The following CCDC66 variants were observed in gnomAD, a reference collection of about 807,000 sequenced individuals.
CCDC66 encodes coiled-coil domain containing 66.
Under a neutral mutation model 128.3 loss-of-function variants are expected in CCDC66, and 133 were observed. The observed-to-expected ratio is 1.04, with a 90% CI of 0.90 to 1.20. The LOEUF is 1.20. Among genes scored for constraint, CCDC66 ranks in the 50% most tolerant of loss-of-function variants. The pLI, the probability that CCDC66 is intolerant of heterozygous loss-of-function variation, is 0.00. For missense variants in CCDC66, 1,126 were observed against 1,075.5 expected (o/e 1.05, Z -0.66); for synonymous variants, 387 against 357.0 (o/e 1.08, Z -0.95).
chr3:56,580,593 A>G (rs540228072), intron 7 of CCDC66, among the ~76,000 whole-genome samples: 2 of 151,938 alleles, frequency 1.3e-5, no homozygotes, highest in East Asian at 4.0e-4. Flanking sequence ...GAGCTCTTGT[A>G]AGGCAGGCCT....
chr3:56,579,413 G>A (rs559989203), intron 7 of CCDC66, among the ~76,000 whole-genome samples: 19 of 151,700 alleles, frequency 1.3e-4, no homozygotes, highest in Non-Finnish European at 2.2e-4. Context: ...ATCTCCTTCA[G>A]TTCTGCTTTG....
intron 1 of CCDC66, among the ~76,000 whole-genome samples, chr3:56,558,248 G>T (rs1356684192): frequency 6.6e-6 from 1 of 152,144 alleles, no homozygotes; most frequent in Non-Finnish European, 1.5e-5. Context: ...GTTCTCAGTG[G>T]AGTTTTAGGA....
chr3:56,578,147 T>G (rs1017697056), intron 7 of CCDC66, among the ~76,000 whole-genome samples: 10 of 151,766 alleles, frequency 6.6e-5, no homozygotes, highest in African/African-American at 2.4e-4. Context: ...TTGTAAGTTG[T>G]ATTCCTAGGT....
At chr3:56,566,535 C>A in intron 4 of CCDC66, 59 bp from the exon 5 acceptor site, 1 of 1,129,388 alleles carries the variant, frequency 8.9e-7, no homozygotes, top group Non-Finnish European at 1.3e-6. Context: ...AGCACTATGC[C>A]AAGTATTATA....
chr3:56,607,572 T>C (rs1384477102), intron 10 of CCDC66, among the ~76,000 whole-genome samples: 1 of 152,130 alleles, frequency 6.6e-6, no homozygotes, highest in African/African-American at 2.4e-5. Flanking sequence ...TAAACAGTTA[T>C]ATTGTCAGCA....
Position 56,613,727 on chromosome 3 carries a change from A to G in CCDC66, c.1543A>G (p.Ile515Val). The change falls in exon 11 of 18, where the codon ATA becomes GTA. Residue 515 changes from isoleucine (I) to valine (V), a missense_variant. Physicochemically the swap from Ile to Val is conservative, Grantham distance 29. Transcript: ENST00000394672. Reference sequence around the variant, plus strand: ...GATGCAGAAACAGTATGAAGAAGACATACTTAAGCAAAAACAAAAGGAAGT... The same window carrying G: ...GATGCAGAAACAGTATGAAGAAGACGTACTTAAGCAAAAACAAAAGGAAGT... ...EEMQKQYEED[I>V]LKQKQKEEIM... 6.2e-7 allele frequency: 1 copy of G among 1,607,702 alleles called. No individual in the cohort carries two copies. Among genetic ancestry groups the G allele is most frequent in the Non-Finnish European group, 8.5e-7 (1 of 1,178,034 alleles).
chr3:56,568,745 C>A (rs2066227184), intron 6 of CCDC66, among the ~76,000 whole-genome samples: 1 of 152,160 alleles, frequency 6.6e-6, no homozygotes. Flanking sequence ...ATTGTTGTAT[C>A]AGACAGTATG....
chr3:56,566,032 G>A (rs542068724), intron 4 of CCDC66, among the ~76,000 whole-genome samples: 1 of 152,302 alleles, frequency 6.6e-6, no homozygotes, highest in African/African-American at 2.4e-5. Flanking sequence ...TTGCTCGCTT[G>A]TTTTCCTTAT....
chr3:56,588,827 G>A (rs2070316567), intron 7 of CCDC66, among the ~76,000 whole-genome samples: 1 of 152,168 alleles, frequency 6.6e-6, no homozygotes, highest in African/African-American at 2.4e-5. Context: ...ATTTTTAACT[G>A]AGTGATAATG....
chr3:56,560,390 A>G (rs1460183621), intron 3 of CCDC66, among the ~76,000 whole-genome samples: 1 of 152,070 alleles, frequency 6.6e-6, no homozygotes, highest in African/African-American at 2.4e-5. Flanking sequence ...TATTTTTAGT[A>G]GAGATGGGAT....
chr3:56,571,120 G>C, intron 6 of CCDC66, 61 bp from the exon 7 acceptor site: 1 of 1,285,704 alleles, frequency 7.8e-7, no homozygotes, highest in Non-Finnish European at 1.1e-6. Flanking sequence ...GGTCAGATTT[G>C]TTTACATGGT....
intron 10 of CCDC66, among the ~76,000 whole-genome samples, chr3:56,603,284 C>T (rs1249742738): frequency 6.6e-6 from 1 of 152,000 alleles, no homozygotes; most frequent in African/African-American, 2.4e-5. Context: ...TCTGTATCTC[C>T]TACAGTTCTG....
intron 8 of CCDC66, among the ~76,000 whole-genome samples, 161 bp from the exon 9 acceptor site, chr3:56,593,330 G>T (rs9985317): frequency 0.73 from 111,396 of 152,070 alleles, 41,595 homozygotes; most frequent in Non-Finnish European, 0.81. Context: ...CAAAGCTAGT[G>T]ATCTATATGT....
chr3:56,616,046 G>A lies in CCDC66; in HGVS notation c.1836G>A (p.Val612=), dbSNP rs1366429935. ...NSTTSKKDTG[V]QTDDLNIGIF... ...CGACTTCTAAGAAGGATACTGGTGT[G>A]CAAACAGGTATTTGTGTGGAAATTG... The change falls in exon 13 of 18, where the codon GTG becomes GTA. Residue 612 remains valine (V), a synonymous_variant. Coordinates refer to ENST00000394672, the MANE Select transcript of CCDC66 (RefSeq NM_001141947.3). 6.3e-7 allele frequency: 1 copy of A among 1,584,442 alleles called. No homozygotes were observed. Among genetic ancestry groups the A allele is most frequent in the African/African-American group, 1.4e-5 (1 of 73,340 alleles).
At position 56,559,599 on chromosome 3, in the gene CCDC66, G is replaced by C; in HGVS notation, c.102+5G>C. 6.5e-7 allele frequency: 1 copy of C among 1,532,452 alleles called. No homozygotes were observed. The highest frequency in any genetic ancestry group is 8.8e-7 in the Non-Finnish European group (1 of 1,138,372). 94.9% of individuals were successfully genotyped at this position (1,532,452 alleles called of 1,614,324 possible). A position where few individuals can be genotyped will look rare whatever the true frequency, so the allele number is the denominator to read the frequency against. On this transcript the variant is annotated splice_donor_5th_base_variant and intron_variant, in intron 3 of 17. Coordinates refer to ENST00000394672, the MANE Select transcript of CCDC66 (RefSeq NM_001141947.3). ...AAATCAAAAATTTCTGTGAAGGTAA[G>C]CCGTATAACTTTGACCTGACCTGTT...
chr3:56,603,144 A>G (rs890280713), intron 10 of CCDC66, among the ~76,000 whole-genome samples: 1 of 151,618 alleles, frequency 6.6e-6, no homozygotes, highest in African/African-American at 2.4e-5. Context: ...CCCCTTTATC[A>G]TTTTTTATTG....
Position 56,593,482 on chromosome 3 carries a change from C to A in CCDC66, c.1069-9C>A. 1 of 1,604,826 alleles carries A rather than the reference C, an allele frequency of 6.2e-7. No individual in the cohort carries two copies. The highest frequency in any genetic ancestry group is 1.1e-5 in the South Asian group (1 of 90,198). On this transcript the variant is annotated splice_polypyrimidine_tract_variant and intron_variant, in intron 8 of 17. Transcript: ENST00000394672. ...AAAATTCTTAGCAATTCTTATTTGT[C>A]ATCATTAGGGTGAGGAACATGACAG...
chr3:56,583,793 G>A (rs1409278219), intron 7 of CCDC66, among the ~76,000 whole-genome samples: 10 of 151,838 alleles, frequency 6.6e-5, no homozygotes, highest in African/African-American at 1.9e-4. Context: ...ATCATGGCCC[G>A]TTCTCAATGA....
intron 7 of CCDC66, among the ~76,000 whole-genome samples, chr3:56,573,889 T>C (rs1190230385): frequency 6.9e-6 from 1 of 144,446 alleles, no homozygotes; most frequent in East Asian, 2.1e-4. Context: ...TTATTCCTCA[T>C]GTGTATCTTT....
Sources: gnomAD v4.1 joint callset for allele counts (sites outside exome capture counted in the v4.1 genomes callset) on GRCh38, gnomAD v4.1.1 for gene constraint, MANE v1.5 for transcripts, NCBI Gene and HGNC (gene_info 2026-07-23, HGNC 2026-07-21) for gene names.